Variants in ORC5 observed in about 807,000 individuals in gnomAD.
The protein encoded by ORC5 is protein phosphatase 1, regulatory subunit 117.
ORC5 carries 39 observed loss-of-function variants against 58.8 expected under a neutral mutation model. That is an observed-to-expected ratio of 0.66 (90% CI 0.51 to 0.87). The LOEUF (loss-of-function observed/expected upper bound fraction) is 0.87. Ranked by LOEUF, ORC5 falls within the 40% of genes least tolerant of loss-of-function variation. The pLI is 0.00. For synonymous variants in ORC5, 218 were observed against 177.6 expected (o/e 1.23, Z -1.81); for missense variants, 493 against 506.3 (o/e 0.97, Z 0.25).
chr7:104,145,992 A>G (rs1798747376), intron 12 of ORC5, among the ~76,000 whole-genome samples: 1 of 152,224 alleles, frequency 6.6e-6, no homozygotes, highest in South Asian at 2.1e-4. Context: ...GGTAAAACGG[A>G]AGAATCTGTC....
rs1799834469 is a variant in ORC5, at chr7:104,197,715, C to CA, written c.441+9dup. On this transcript the variant is annotated intron_variant, in intron 4 of 13. Coordinates refer to ENST00000297431, the MANE Select transcript of ORC5 (RefSeq NM_002553.4). ...GTTGTGGGGAGAAAGCACTTTCTCA[C>CA]ATTACTTACCAATTCTTGTAATCTA... 17 of 1,578,160 alleles carry CA rather than the reference C, an allele frequency of 1.1e-5. No homozygotes were observed. Among genetic ancestry groups the CA allele is most frequent in the Non-Finnish European group, 1.3e-5 (15 of 1,157,898 alleles).
intron 1 of ORC5, among the ~76,000 whole-genome samples, chr7:104,207,512 C>A (rs1175879503): frequency 4.6e-5 from 7 of 152,206 alleles, no homozygotes; most frequent in African/African-American, 1.7e-4. Context: ...ACATCTGTTA[C>A]ATAAATGTCA....
intron 11 of ORC5, among the ~76,000 whole-genome samples, chr7:104,164,008 A>G (rs1799066869): frequency 6.6e-6 from 1 of 152,228 alleles, no homozygotes; most frequent in African/African-American, 2.4e-5. Flanking sequence ...TCATTAGTGA[A>G]TAAGGCTGTT....
chr7:104,176,677 T>C (rs1434933469), intron 8 of ORC5, among the ~76,000 whole-genome samples: 3 of 90,136 alleles, frequency 3.3e-5, no homozygotes, highest in Non-Finnish European at 9.9e-5. Flanking sequence ...AAGCAGTCCA[T>C]TTAGTTGTTG....
chr7:104,149,075 A>C (rs1798805827), intron 12 of ORC5, among the ~76,000 whole-genome samples: 1 of 151,958 alleles, frequency 6.6e-6, no homozygotes, highest in Admixed American at 6.6e-5. Flanking sequence ...GGGGGAAAGC[A>C]TGATTTCTTA....
At chr7:104,190,132 A>G (rs1286044997) in intron 5 of ORC5, among the ~76,000 whole-genome samples, 1 of 152,178 alleles carries the variant, frequency 6.6e-6, no homozygotes, top group Non-Finnish European at 1.5e-5. Flanking sequence ...AAAGTAAATC[A>G]CAATTTTGAA....
chr7:104,207,175 A>G (rs1044055816), intron 1 of ORC5, among the ~76,000 whole-genome samples: 15 of 152,170 alleles, frequency 9.9e-5, no homozygotes, highest in Non-Finnish European at 2.1e-4. Flanking sequence ...ATCAAAGACC[A>G]CCAGAAAATA....
At chr7:104,132,090 C>T (rs1388843839) in intron 13 of ORC5, among the ~76,000 whole-genome samples, 1 of 152,074 alleles carries the variant, frequency 6.6e-6, no homozygotes, top group East Asian at 1.9e-4. Context: ...TCTACTTTCT[C>T]ATAAATACTA....
intron 10 of ORC5, among the ~76,000 whole-genome samples, chr7:104,166,353 T>A (rs1209962988): frequency 6.6e-6 from 1 of 151,966 alleles, no homozygotes; most frequent in African/African-American, 2.4e-5. Flanking sequence ...AAGAACATAG[T>A]GGGTAAAGAA....
At chr7:104,203,512 C>T (rs759184748) in intron 2 of ORC5, among the ~76,000 whole-genome samples, 13 of 152,228 alleles carry the variant, frequency 8.5e-5, no homozygotes, top group East Asian at 3.8e-4. Context: ...GTGCTTACTA[C>T]GCACTATGTA....
intron 8 of ORC5, among the ~76,000 whole-genome samples, chr7:104,177,971 T>C (rs1182164997): frequency 1.3e-5 from 2 of 152,226 alleles, no homozygotes; most frequent in East Asian, 1.9e-4. Flanking sequence ...AGTCTATCAT[T>C]GATGGGCATT....
Position 104,166,756 on chromosome 7 carries a change from A to T in ORC5, c.990+16T>A. The T allele has an allele frequency of 7.8e-7, 1 of 1,283,406 alleles. No individual in the cohort carries two copies. The allele number at this position is 1,283,406 out of a possible 1,614,324, so 79.5% of individuals were successfully genotyped here. On this transcript the variant is annotated intron_variant, in intron 10 of 13. Coordinates refer to ENST00000297431, the MANE Select transcript of ORC5 (RefSeq NM_002553.4). ...GATCTTAAAAAATAAAGTGAAAAGA[A>T]GTATGTTATTATTACCTTAAGAAAA...
chr7:104,190,445 T>C (rs1799649785), intron 5 of ORC5, among the ~76,000 whole-genome samples: 1 of 152,176 alleles, frequency 6.6e-6, no homozygotes, highest in African/African-American at 2.4e-5. Flanking sequence ...GTATAAAACG[T>C]ATTTTCTCCC....
At chr7:104,197,868 G>T in intron 3 of ORC5, 69 bp from the exon 4 acceptor site, 1 of 958,732 alleles carries the variant, frequency 1.0e-6, no homozygotes, top group African/African-American at 1.7e-5. Flanking sequence ...GACATGATTT[G>T]ACTATGTCCC....
At chr7:104,177,298 CA>C (rs1799341369) in intron 8 of ORC5, among the ~76,000 whole-genome samples, 1 of 152,092 alleles carries the variant, frequency 6.6e-6, no homozygotes, top group Admixed American at 6.5e-5. Context: ...AATTACTAAA[CA>C]TAAGTTTGTT....
At chr7:104,194,401 A>G (rs998024886) in intron 5 of ORC5, among the ~76,000 whole-genome samples, 3 of 152,114 alleles carry the variant, frequency 2.0e-5, no homozygotes, top group African/African-American at 7.2e-5. Context: ...ACCATCTTAT[A>G]CTTCACAGTT....
intron 6 of ORC5, among the ~76,000 whole-genome samples, chr7:104,185,410 T>C (rs1180640891): frequency 6.6e-6 from 1 of 152,192 alleles, no homozygotes; most frequent in Non-Finnish European, 1.5e-5. Flanking sequence ...GTTATATTTA[T>C]GTCACATAGA....
chr7:104,143,029 G>A (rs1258691493), intron 12 of ORC5, among the ~76,000 whole-genome samples: 1 of 152,178 alleles, frequency 6.6e-6, no homozygotes, highest in African/African-American at 2.4e-5. Flanking sequence ...GTCTTTTATT[G>A]CTAAGTATAT....
At chr7:104,179,446 T>G (rs1260431283) in intron 8 of ORC5, among the ~76,000 whole-genome samples, 1 of 152,146 alleles carries the variant, frequency 6.6e-6, no homozygotes, top group Non-Finnish European at 1.5e-5. Context: ...AGGGAATTAT[T>G]TGTAAGTCTT....
Sources: gnomAD v4.1 joint callset for allele counts (sites outside exome capture counted in the v4.1 genomes callset) on GRCh38, gnomAD v4.1.1 for gene constraint, MANE v1.5 for transcripts, NCBI Gene and HGNC (gene_info 2026-07-23, HGNC 2026-07-21) for gene names.